Variants in KLC1 observed in about 807,000 individuals in gnomAD.
KLC1 encodes kinesin 2 60/70kDa.
KLC1 carries 30 observed loss-of-function variants against 84.2 expected under a neutral mutation model. The ratio of observed to expected loss-of-function variants is 0.36; its 90% CI spans 0.27 to 0.48. The LOEUF is 0.48. Ranked by LOEUF, KLC1 falls within the 20% of genes least tolerant of loss-of-function variation. The probability of loss-of-function intolerance (pLI) is 0.99; values close to 1 mark genes in which losing one functional copy is unlikely to be tolerated. For synonymous variants in KLC1, 289 were observed against 293.3 expected, an observed-to-expected ratio of 0.99 and a Z score of 0.15; for missense variants, 499 against 805.4, an observed-to-expected ratio of 0.62 and a Z score of 4.60.
chr14:103,666,969 G>T (rs529468276), intron 5 of KLC1, among the ~76,000 whole-genome samples: 11 of 149,314 alleles, frequency 7.4e-5, no homozygotes, highest in African/African-American at 2.7e-4. Flanking sequence ...GTAGAGACAG[G>T]GTCTTATCAT....
rs1429874136 is a variant in KLC1 at position 103,673,203 on chromosome 14, AG to A, written c.1161+17del. On this transcript the variant is annotated intron_variant, in intron 8 of 16. Coordinates refer to ENST00000334553, the MANE Select transcript of KLC1 (RefSeq NM_001394837.1). ...AAATAACCTGGTGTGTTGACTGCAC[AG>A]CACTAGGGAGGGGGCCAGGAGTGCT... The A allele has an allele frequency of 5.6e-6, 9 of 1,600,984 alleles. No homozygotes were observed. The highest frequency in any genetic ancestry group is 6.0e-6 in the Non-Finnish European group (7 of 1,174,698).
intron 13 of KLC1, 188 bp from the exon 14 acceptor site, chr14:103,686,893 A>G: frequency 3.5e-6 from 1 of 285,424 alleles, no homozygotes; most frequent in Non-Finnish European, 6.8e-6. Flanking sequence ...ATGAAACTTA[A>G]AAAGAACAAT....
chr14:103,641,957 G>T (rs1265968575), intron 1 of KLC1, among the ~76,000 whole-genome samples: 1 of 151,764 alleles, frequency 6.6e-6, no homozygotes, highest in African/African-American at 2.4e-5. Context: ...TTGAGACAGA[G>T]TCTCACTCCA....
chr14:103,688,467 A>G (rs950319906), intron 14 of KLC1, among the ~76,000 whole-genome samples: 3 of 152,102 alleles, frequency 2.0e-5, no homozygotes, highest in African/African-American at 7.2e-5. Flanking sequence ...GTCTTTTAAA[A>G]GCTATTTAAA....
chr14:103,696,719 T>A (rs1452462891), intron 15 of KLC1: 15 of 985,326 alleles, frequency 1.5e-5, no homozygotes, highest in Non-Finnish European at 1.8e-5. Context: ...GTTCCCCAAC[T>A]CTGTGGGGAA....
chr14:103,675,638 T>TA, intron 10 of KLC1, 37 bp downstream of exon 10: 1 of 1,601,344 alleles, frequency 6.2e-7, no homozygotes, highest in Non-Finnish European at 8.6e-7. Context: ...CTAAATTGTA[T>TA]ATACTGCATT....
intron 1 of KLC1, among the ~76,000 whole-genome samples, chr14:103,652,571 A>G (rs760240295): frequency 1.3e-5 from 2 of 151,838 alleles, no homozygotes; most frequent in Non-Finnish European, 2.9e-5. Flanking sequence ...GGCTCACTGC[A>G]ACTCCTGCCT....
intron 15 of KLC1, chr14:103,695,261 G>C (rs531370592): frequency 4.5e-6 from 3 of 671,154 alleles, no homozygotes; most frequent in Admixed American, 6.4e-5. Context: ...CCCAGTTCAA[G>C]AACAGCTTGG....
chr14:103,672,914 C>A, intron 7 of KLC1, 100 bp from the exon 8 acceptor site: 1 of 1,030,264 alleles, frequency 9.7e-7, no homozygotes, highest in South Asian at 1.4e-5. Flanking sequence ...GTAGCACAGT[C>A]GTGCTTATGT....
At chr14:103,635,161 C>T (rs760026263) in intron 1 of KLC1, among the ~76,000 whole-genome samples, 10 of 152,178 alleles carry the variant, frequency 6.6e-5, no homozygotes, top group South Asian at 2.1e-4. Flanking sequence ...TACGTGCATA[C>T]GTGAACTGAG....
chr14:103,679,417 G>A lies in KLC1; in HGVS notation c.1522G>A (p.Glu508Lys), dbSNP rs2081180837. ...LDNVHKQRVA[E>K]VLNDPENMEK... ...CAATGTTCACAAACAGAGGGTGGCA[G>A]AAGTGCTCAATGACCCTGAGAACAT... The change falls in exon 13 of 17, where the codon GAA becomes AAA. Residue 508 changes from glutamate (E) to lysine (K), a missense_variant. Glu to Lys is a moderately conservative substitution (Grantham distance 56). Transcript: ENST00000334553. The A allele has an allele frequency of 6.2e-7, 1 of 1,614,054 alleles. No individual in the cohort carries two copies. Among genetic ancestry groups the A allele is most frequent in the Non-Finnish European group, 8.5e-7 (1 of 1,180,010 alleles).
chr14:103,659,199 A>G (rs577382986), intron 3 of KLC1, among the ~76,000 whole-genome samples: 93 of 142,406 alleles, frequency 6.5e-4, no homozygotes, highest in African/African-American at 2.3e-3. Flanking sequence ...TCCTGACCTC[A>G]GGTCATCCCC....
intron 1 of KLC1, among the ~76,000 whole-genome samples, chr14:103,641,965 C>T (rs1260684664): frequency 6.6e-6 from 1 of 152,056 alleles, no homozygotes; most frequent in Admixed American, 6.6e-5. Context: ...GAGTCTCACT[C>T]CATCGCCCAG....
chr14:103,655,644 C>T (rs1372144553), intron 2 of KLC1, among the ~76,000 whole-genome samples: 5 of 145,568 alleles, frequency 3.4e-5, no homozygotes, highest in South Asian at 2.2e-4. Flanking sequence ...TGTTTGCTCT[C>T]GCCGCCCAGG....
intron 4 of KLC1, 127 bp downstream of exon 4, chr14:103,662,321 G>A (rs2079363973): frequency 6.2e-6 from 5 of 801,802 alleles, no homozygotes; most frequent in Admixed American, 4.0e-5. Context: ...CCACCAGAGC[G>A]GGGTTGCCTT....
chr14:103,699,457 G>C, intron 15 of KLC1: 1 of 1,612,844 alleles, frequency 6.2e-7, no homozygotes. Context: ...TGGGGGCGGA[G>C]GCCTGGCTGT....
rs769388124 is a variant in KLC1, at chr14:103,662,187, G to A, written c.564G>A (p.Gly188=). 2 of 1,611,546 alleles carry A rather than the reference G, an allele frequency of 1.2e-6. No homozygotes were observed. The highest frequency in any genetic ancestry group is 1.7e-6 in the Non-Finnish European group (2 of 1,177,630). Residue 188 remains glycine, a synonymous_variant, in exon 4 of 17, where the codon GGG becomes GGA. Transcript: ENST00000334553. ...DLFPNDEDDP[G]QGIQQQHSSA... ...TCCCCAATGATGAAGACGACCCAGG[G>A]CAAGGAAGTGAGTGATGGGTGATGC...
chr14:103,692,182 C>T (rs1432646498), intron 14 of KLC1, among the ~76,000 whole-genome samples, 177 bp from the exon 15 acceptor site: 1 of 152,174 alleles, frequency 6.6e-6, no homozygotes, highest in Non-Finnish European at 1.5e-5. Flanking sequence ...GTCTTTTCTC[C>T]TGGGCACTAA....
Position 103,693,133 on chromosome 14 carries a change from GT to G in KLC1, c.1848+710del, listed in dbSNP as rs2082216731. Among the ~76,000 whole-genome samples, 1 of 152,224 alleles carries G rather than the reference GT, an allele frequency of 6.6e-6. No individual in the cohort carries two copies. Among genetic ancestry groups the G allele is most frequent in the Non-Finnish European group, 1.5e-5 (1 of 68,040 alleles). ...CCCTGCCCCTGTGCTGGTGCTGAGA[GT>G]TCGCGACAGTGGCCAGGCACTGCCC... On this transcript the variant is annotated intron_variant, in intron 15 of 16. Transcript: ENST00000334553. This position sits in a 1 kb window ranked among gnomAD's most constrained non-coding sequence, Gnocchi z 5.1.
Sources: gnomAD v4.1 joint callset for allele counts (sites outside exome capture counted in the v4.1 genomes callset) on GRCh38, gnomAD v4.1.1 for gene constraint, Gnocchi (gnomAD v3.1) non-coding constraint, MANE v1.5 for transcripts, NCBI Gene and HGNC (gene_info 2026-07-23, HGNC 2026-07-21) for gene names.